Variants in PLA2G4E observed in about 807,000 individuals in gnomAD.
PLA2G4E encodes the protein phospholipase A2 group IVE, also known as cytosolic phospholipase A2 epsilon.
Under a neutral mutation model 109.1 loss-of-function variants are expected in PLA2G4E, and 84 were observed. The observed-to-expected ratio is 0.77, with a 90% CI of 0.65 to 0.92. PLA2G4E has a LOEUF of 0.92. Among genes scored for constraint, PLA2G4E ranks in the 40% least tolerant of loss-of-function variants. The probability of loss-of-function intolerance (pLI) is 0.00; values close to 1 mark genes in which losing one functional copy is unlikely to be tolerated. For synonymous variants in PLA2G4E, 469 were observed against 436.1 expected (o/e 1.08, Z -0.94); for missense variants, 1,057 against 1,076.6 (o/e 0.98, Z 0.25).
intron 1 of PLA2G4E, among the ~76,000 whole-genome samples, chr15:42,028,851 A>G (rs757144653): frequency 1.3e-5 from 2 of 152,240 alleles, no homozygotes; most frequent in Non-Finnish European, 2.9e-5. Flanking sequence ...GGGTAAGATG[A>G]GATTAAAAAA....
intron 12 of PLA2G4E, among the ~76,000 whole-genome samples, chr15:41,994,293 C>A (rs549920677): frequency 2.5e-5 from 1 of 40,062 alleles, no homozygotes; most frequent in Non-Finnish European, 6.2e-5. Flanking sequence ...GGGCTGGCGC[C>A]TCTGCCCCCC....
At chr15:42,014,611 G>A (rs1206808379) in intron 1 of PLA2G4E, among the ~76,000 whole-genome samples, 1 of 152,204 alleles carries the variant, frequency 6.6e-6, no homozygotes, top group Non-Finnish European at 1.5e-5. Flanking sequence ...GAGACCATGT[G>A]CCAGGGGCTC....
At chr15:41,996,537 G>A (rs1027436069) in intron 11 of PLA2G4E, among the ~76,000 whole-genome samples, 14 of 152,128 alleles carry the variant, frequency 9.2e-5, no homozygotes, top group African/African-American at 3.1e-4. Context: ...GAAAGCAGGC[G>A]CTTGGAGGGC....
At chr15:42,028,244 C>T (rs1014095423) in intron 1 of PLA2G4E, among the ~76,000 whole-genome samples, 1 of 152,114 alleles carries the variant, frequency 6.6e-6, no homozygotes, top group Admixed American at 6.6e-5. Flanking sequence ...AGGATAAGAA[C>T]CTTGCTCAAG....
chr15:42,015,484 G>C (rs1595570122), intron 1 of PLA2G4E, among the ~76,000 whole-genome samples: 2 of 152,224 alleles, frequency 1.3e-5, no homozygotes, highest in East Asian at 3.9e-4. Flanking sequence ...CTCGCTGGTA[G>C]GGCTCCCTGC....
At chr15:42,023,790 C>T (rs544316621) in intron 1 of PLA2G4E, among the ~76,000 whole-genome samples, 1 of 152,178 alleles carries the variant, frequency 6.6e-6, no homozygotes, top group Non-Finnish European at 1.5e-5. Flanking sequence ...CCCACTCCAA[C>T]TCGTATGTTT....
chr15:42,035,155 G>A (rs2665210), intron 1 of PLA2G4E, among the ~76,000 whole-genome samples: 123,827 of 152,192 alleles, frequency 0.81, 50,790 homozygotes, highest in South Asian at 0.95. Flanking sequence ...CCTCTTCTCC[G>A]AATCGTGGGG....
At chr15:42,014,711 C>T (rs1354162019) in intron 1 of PLA2G4E, among the ~76,000 whole-genome samples, 1 of 152,218 alleles carries the variant, frequency 6.6e-6, no homozygotes, top group East Asian at 1.9e-4. Context: ...CCCCCAGGTC[C>T]TTCTGGTCAC....
In PLA2G4E at chr15:42,004,990, G is replaced by A. The variant is rs2068460606; in HGVS notation, c.526-12C>T. ...AGCTCTTCCATGCCCTGGTAGGGGA[G>A]GGAGGGAAGGCAGCTGTGAGTGGCG... is the stretch of plus-strand genomic sequence containing the variant. On this transcript the variant is annotated splice_polypyrimidine_tract_variant and intron_variant, in intron 4 of 19. Transcript: ENST00000399518. 2 of 1,612,470 alleles carry A rather than the reference G, an allele frequency of 1.2e-6. No individual in the cohort carries two copies. Among genetic ancestry groups the A allele is most frequent in the Non-Finnish European group, 1.7e-6 (2 of 1,179,506 alleles).
chr15:41,984,553 C>G (rs1213037733), exon 19 of PLA2G4E: 19 of 1,613,810 alleles, frequency 1.2e-5, no homozygotes, highest in Admixed American at 5.0e-5. Context: ...TCATTCTCAT[C>G]TGGCAGCTCG....
intron 1 of PLA2G4E, among the ~76,000 whole-genome samples, chr15:42,016,250 T>TC (rs2068593732): frequency 1.3e-5 from 2 of 148,632 alleles, no homozygotes; most frequent in South Asian, 4.2e-4. Context: ...ACTTTTTTTT[T>TC]TTTTTTTTTT....
chr15:42,013,881 GGTTTT>G, intron 1 of PLA2G4E, 124 bp from the exon 2 acceptor site: 5 of 302,218 alleles, frequency 1.7e-5, no homozygotes, highest in Non-Finnish European at 2.3e-5. Context: ...CCCCTAGGCT[GGTTTT>G]TTTTTTTTTT....
intron 2 of PLA2G4E, among the ~76,000 whole-genome samples, chr15:42,013,087 G>A (rs1172717898): frequency 1.3e-5 from 2 of 152,218 alleles, no homozygotes; most frequent in Non-Finnish European, 2.9e-5. Context: ...TGAGGGGGGA[G>A]GTTAGGGCTG....
rs145434560 is a variant in PLA2G4E at position 42,014,482 on chromosome 15, C to A, written c.184-725G>T. 2.6e-4 allele frequency among the ~76,000 whole-genome samples: 40 copies of A among 152,312 alleles called. 1 individual carries two copies. The East Asian group carries it at 7.2e-3, about 27-fold the overall frequency. On this transcript the variant is annotated intron_variant, in intron 1 of 19. Coordinates refer to ENST00000399518, the Ensembl canonical transcript of PLA2G4E. ...TTGGCACTCTCCTCCTACTGTCCCA[C>A]ATGCAGATATTTGCTCTTGCCCAGG...
At chr15:42,000,947 G>T (rs895024062) in intron 7 of PLA2G4E, among the ~76,000 whole-genome samples, 2 of 152,188 alleles carry the variant, frequency 1.3e-5, no homozygotes, top group Non-Finnish European at 2.9e-5. Flanking sequence ...AGGTTATGTG[G>T]GTGCTTGGGC....
At chr15:42,049,742 C>A (rs1889475385) in intron 1 of PLA2G4E, among the ~76,000 whole-genome samples, 1 of 152,160 alleles carries the variant, frequency 6.6e-6, no homozygotes, top group African/African-American at 2.4e-5. Context: ...GGAAGCGAGG[C>A]TCACTCCCTG....
chr15:41,987,261 C>T (rs771968345), exon 17 of PLA2G4E: 56 of 1,613,850 alleles, frequency 3.5e-5, no homozygotes, highest in South Asian at 6.6e-5. Flanking sequence ...CACGAAGGAC[C>T]GATGGGTAAG....
chr15:42,026,945 C>T (rs2068697584), intron 1 of PLA2G4E, among the ~76,000 whole-genome samples: 1 of 150,598 alleles, frequency 6.6e-6, no homozygotes, highest in Non-Finnish European at 1.5e-5. Flanking sequence ...TGCCCTCCAA[C>T]CTGGGCGACA....
At chr15:42,018,601 T>C (rs2068618458) in intron 1 of PLA2G4E, among the ~76,000 whole-genome samples, 1 of 151,900 alleles carries the variant, frequency 6.6e-6, no homozygotes, top group South Asian at 2.1e-4. Context: ...CAGAGGTATA[T>C]TTAGCCACTT....
Sources: allele counts gnomAD v4.1 joint callset (sites outside exome capture counted in the v4.1 genomes callset), GRCh38; gene constraint gnomAD v4.1.1; transcripts MANE v1.5; gene names NCBI Gene and HGNC (gene_info 2026-07-23, HGNC 2026-07-21).